RASEF: variants seen among roughly 807,000 people sequenced by gnomAD.
The protein encoded by RASEF is RAS and EF-hand domain containing, also known as ras and EF-hand domain-containing protein.
RASEF carries 68 observed loss-of-function variants against 90.1 expected under a neutral mutation model. The observed-to-expected ratio is 0.75, with a 90% CI of 0.62 to 0.92. RASEF has a LOEUF of 0.92. RASEF is among the 40% of genes least tolerant of loss of function. RASEF has a pLI of 0.00. For synonymous variants in RASEF, 331 were observed against 345.2 expected (o/e 0.96, Z 0.46); for missense variants, 949 against 937.2 (o/e 1.01, Z -0.16).
chr9:83,109,650 G>C, the RASEF span, among the ~76,000 whole-genome samples: 14 of 152,294 alleles, frequency 9.2e-5, no homozygotes, highest in African/African-American at 3.4e-4. Flanking sequence ...TGTATGAACA[G>C]TGGGTGGCAT....
At chr9:83,033,589 A>T (rs1829685295) in intron 1 of RASEF, among the ~76,000 whole-genome samples, 1 of 152,206 alleles carries the variant, frequency 6.6e-6, no homozygotes, top group Non-Finnish European at 1.5e-5. Context: ...GTCGGCGGGG[A>T]TGTCCCGAAA....
At chr9:83,010,109 T>C (rs1829212978) in intron 5 of RASEF, among the ~76,000 whole-genome samples, 1 of 152,218 alleles carries the variant, frequency 6.6e-6, no homozygotes, top group Non-Finnish European at 1.5e-5. Context: ...TTTAAAATTA[T>C]TGATAAACAT....
chr9:83,157,021 T>C, the RASEF span, among the ~76,000 whole-genome samples: 3 of 152,236 alleles, frequency 2.0e-5, no homozygotes, highest in Non-Finnish European at 4.4e-5. Flanking sequence ...TGCTAGTTTA[T>C]TTTTTAAAGT....
chr9:83,021,186 T>C (rs1191170683), intron 3 of RASEF, among the ~76,000 whole-genome samples: 1 of 152,184 alleles, frequency 6.6e-6, no homozygotes, highest in Admixed American at 6.5e-5. Context: ...GCACTTTATA[T>C]AGATCATCAT....
Position 83,025,852 on chromosome 9 carries a change from T to C in RASEF, c.501A>G (p.Glu167=), listed in dbSNP as rs1467324051. ...LVEPRLIQPY[E]HVIKNFIREI... Reference sequence around the variant, plus strand: ...CACGGATGAAGTTCTTTATAACATGTTCATATGGCTGAATTAATCTTGGCT... The same window carrying C: ...CACGGATGAAGTTCTTTATAACATGCTCATATGGCTGAATTAATCTTGGCT... Residue 167 remains glutamate (E), a synonymous_variant, in exon 2 of 17, where the codon GAA becomes GAG. Coordinates refer to ENST00000376447, the MANE Select transcript of RASEF (RefSeq NM_152573.4). 2 of 1,614,058 alleles carry C rather than the reference T, an allele frequency of 1.2e-6. No individual in the cohort carries two copies. Among genetic ancestry groups the C allele is most frequent in the Non-Finnish European group, 1.7e-6 (2 of 1,179,932 alleles).
chr9:83,111,294 T>A, the RASEF span, among the ~76,000 whole-genome samples: 2 of 152,176 alleles, frequency 1.3e-5, no homozygotes, highest in Non-Finnish European at 2.9e-5. Context: ...AAGACATCAA[T>A]TCTTCCAAAA....
At chr9:83,192,239 C>G in the RASEF span, among the ~76,000 whole-genome samples, 8 of 152,084 alleles carry the variant, frequency 5.3e-5, no homozygotes, top group African/African-American at 2.4e-5. Flanking sequence ...CATTCTATCA[C>G]AAAGACACAT....
intron 1 of RASEF, among the ~76,000 whole-genome samples, chr9:83,053,892 T>C (rs1214967866): frequency 1.6e-5 from 1 of 63,592 alleles, no homozygotes; most frequent in Non-Finnish European, 2.8e-5. Flanking sequence ...TTCTGGCTTG[T>C]AGGGTTTCTG....
intron 4 of RASEF, among the ~76,000 whole-genome samples, chr9:83,014,441 C>T (rs1829305808): frequency 2.6e-5 from 4 of 152,058 alleles, no homozygotes; most frequent in African/African-American, 9.7e-5. Context: ...ACTGGGACTA[C>T]AGGCATGTGC....
At chr9:83,109,326 T>C in the RASEF span, among the ~76,000 whole-genome samples, 2 of 152,216 alleles carry the variant, frequency 1.3e-5, no homozygotes, top group Non-Finnish European at 2.9e-5. Context: ...TGATAGTTTA[T>C]GTTCCACTCC....
the RASEF span, among the ~76,000 whole-genome samples, chr9:83,122,394 A>C: frequency 6.6e-6 from 1 of 152,248 alleles, no homozygotes; most frequent in East Asian, 1.9e-4. Flanking sequence ...AGTGAGAGAA[A>C]TCACCATAGA....
chr9:83,135,891 T>G, the RASEF span, among the ~76,000 whole-genome samples: 8 of 152,142 alleles, frequency 5.3e-5, no homozygotes, highest in African/African-American at 1.9e-4. Context: ...CATTCTCTTG[T>G]AAATATTCAG....
chr9:82,992,794 G>A (rs1258456663), intron 15 of RASEF, 112 bp downstream of exon 15: 4 of 1,070,384 alleles, frequency 3.7e-6, no homozygotes, highest in Non-Finnish European at 5.5e-6. Flanking sequence ...TCAGACGGGG[G>A]AGGTTTGTCA....
chr9:83,205,677 G>A, the RASEF span, among the ~76,000 whole-genome samples: 1 of 151,840 alleles, frequency 6.6e-6, no homozygotes, highest in African/African-American at 2.4e-5. Context: ...TCTTCCCTTG[G>A]TACAGTATCT....
the RASEF span, among the ~76,000 whole-genome samples, chr9:83,098,251 G>A: frequency 6.6e-6 from 1 of 152,128 alleles, no homozygotes; most frequent in Admixed American, 6.5e-5. Flanking sequence ...TTAAAAACAA[G>A]TTTAGGTCTA....
the RASEF span, among the ~76,000 whole-genome samples, chr9:83,132,657 G>A: frequency 1.3e-5 from 2 of 152,086 alleles, no homozygotes; most frequent in African/African-American, 4.8e-5. Context: ...GCTTTCATAT[G>A]CTAATGAGCA....
chr9:83,149,463 T>A, the RASEF span, among the ~76,000 whole-genome samples: 1 of 152,108 alleles, frequency 6.6e-6, no homozygotes, highest in Non-Finnish European at 1.5e-5. Flanking sequence ...AAGGGGAGCA[T>A]GGCACCCATG....
the RASEF span, among the ~76,000 whole-genome samples, chr9:83,130,751 C>T: frequency 6.6e-6 from 1 of 152,142 alleles, no homozygotes. Context: ...TGAAAGGAAA[C>T]CAATACCCAA....
chr9:83,107,289 A>G, the RASEF span, among the ~76,000 whole-genome samples: 2 of 152,190 alleles, frequency 1.3e-5, no homozygotes, highest in Non-Finnish European at 2.9e-5. Context: ...CTTGGATCCC[A>G]TCTATTCTAG....
Sources: allele counts gnomAD v4.1 joint callset (sites outside exome capture counted in the v4.1 genomes callset), GRCh38; gene constraint gnomAD v4.1.1; transcripts MANE v1.5; gene names NCBI Gene and HGNC (gene_info 2026-07-23, HGNC 2026-07-21).